The following ADGRL4 variants were observed in gnomAD, a reference collection of about 807,000 sequenced individuals.
The protein encoded by ADGRL4 is adhesion G protein-coupled receptor L4.
A neutral mutation model predicts 74.8 loss-of-function variants in ADGRL4; 90 were observed. The observed-to-expected ratio is 1.20, with a 90% CI of 1.02 to 1.43. ADGRL4 has a LOEUF of 1.43. ADGRL4 is among the 40% of genes most tolerant of loss of function. The pLI is 0.00. For missense variants in ADGRL4, 881 were observed against 814.3 expected (o/e 1.08, Z -1.00); for synonymous variants, 311 against 279.2 (o/e 1.11, Z -1.14).
At chr1:78,940,192 G>A (rs1239311345) in intron 3 of ADGRL4, among the ~76,000 whole-genome samples, 1 of 152,094 alleles carries the variant, frequency 6.6e-6, no homozygotes, top group Non-Finnish European at 1.5e-5. Context: ...CAACAACTCA[G>A]TGTAATCTGG....
At chr1:78,976,943 G>A (rs192365886) in intron 2 of ADGRL4, among the ~76,000 whole-genome samples, 20 of 151,680 alleles carry the variant, frequency 1.3e-4, no homozygotes, top group African/African-American at 4.6e-4. Flanking sequence ...CATCATTAAC[G>A]CTGGTACCAA....
intron 2 of ADGRL4, among the ~76,000 whole-genome samples, chr1:78,958,872 A>G (rs1208423304): frequency 6.6e-6 from 1 of 152,166 alleles, no homozygotes; most frequent in Non-Finnish European, 1.5e-5. Flanking sequence ...GGAAAATTTC[A>G]TTGTCTTGTT....
At chr1:78,931,613 C>T (rs1015789534) in intron 7 of ADGRL4, among the ~76,000 whole-genome samples, 1 of 151,218 alleles carries the variant, frequency 6.6e-6, no homozygotes, top group Non-Finnish European at 1.5e-5. Context: ...GCTAAATGCC[C>T]TAATTTAAAG....
chr1:78,966,594 G>C (rs902559314), intron 2 of ADGRL4, among the ~76,000 whole-genome samples: 1 of 152,072 alleles, frequency 6.6e-6, no homozygotes, highest in Admixed American at 6.6e-5. Context: ...CCATTCCATG[G>C]TCTTTTCCTT....
intron 2 of ADGRL4, among the ~76,000 whole-genome samples, chr1:78,990,673 C>T (rs974379782): frequency 9.2e-5 from 14 of 151,836 alleles, no homozygotes; most frequent in Admixed American, 3.3e-4. Flanking sequence ...TTTAAAAGAC[C>T]ATTCTTCTCC....
chr1:78,940,823 CA>C (rs1198788463), intron 3 of ADGRL4, among the ~76,000 whole-genome samples: 2 of 152,034 alleles, frequency 1.3e-5, no homozygotes, highest in African/African-American at 4.8e-5. Context: ...ATTTCTCACT[CA>C]AAAATCCAAC....
chr1:78,976,744 G>T (rs1203847876), intron 2 of ADGRL4, among the ~76,000 whole-genome samples: 1 of 150,208 alleles, frequency 6.7e-6, no homozygotes, highest in Non-Finnish European at 1.5e-5. Flanking sequence ...GAAATAATGT[G>T]AACAGCACTA....
At chr1:78,973,758 A>G (rs1259726139) in intron 2 of ADGRL4, among the ~76,000 whole-genome samples, 3 of 151,412 alleles carry the variant, frequency 2.0e-5, no homozygotes, top group Non-Finnish European at 4.4e-5. Context: ...TAACTTATAA[A>G]AAGTGCTAAA....
intron 2 of ADGRL4, among the ~76,000 whole-genome samples, chr1:78,990,923 T>C (rs753274392): frequency 5.9e-5 from 9 of 151,988 alleles, no homozygotes; most frequent in Non-Finnish European, 1.0e-4. Context: ...ACAAAGGATA[T>C]ACAACTCTCT....
chr1:78,992,149 A>G (rs1650618759), intron 2 of ADGRL4, among the ~76,000 whole-genome samples: 2 of 152,028 alleles, frequency 1.3e-5, no homozygotes, highest in South Asian at 4.1e-4. Flanking sequence ...ATCTTCCTAG[A>G]GAAAGTCATT....
chr1:78,961,958 G>A (rs1398391465), intron 2 of ADGRL4, among the ~76,000 whole-genome samples: 1 of 149,836 alleles, frequency 6.7e-6, no homozygotes, highest in Admixed American at 6.7e-5. Context: ...TCAGCTCACT[G>A]CAACCCCTGC....
At chr1:78,988,722 G>C (rs572296509) in intron 2 of ADGRL4, among the ~76,000 whole-genome samples, 2 of 151,764 alleles carry the variant, frequency 1.3e-5, no homozygotes, top group Non-Finnish European at 2.9e-5. Context: ...CACAAGGTGA[G>C]TCTACAGATC....
chr1:78,957,618 G>T (rs2100705003), intron 2 of ADGRL4, among the ~76,000 whole-genome samples: 1 of 152,028 alleles, frequency 6.6e-6, no homozygotes, highest in African/African-American at 2.4e-5. Context: ...AGTTGCAGAA[G>T]AATATTTGAA....
At chr1:78,957,415 A>T (rs1649858349) in intron 2 of ADGRL4, among the ~76,000 whole-genome samples, 1 of 152,190 alleles carries the variant, frequency 6.6e-6, no homozygotes, top group African/African-American at 2.4e-5. Context: ...AAGCTCTTGA[A>T]GGAAATTAAA....
intron 8 of ADGRL4, among the ~76,000 whole-genome samples, chr1:78,923,584 C>T (rs1649045752): frequency 6.6e-6 from 1 of 151,706 alleles, no homozygotes; most frequent in South Asian, 2.1e-4. Flanking sequence ...CCAAGATGAA[C>T]AATCCAAAGA....
chr1:79,006,701 A>AG lies in ADGRL4; in HGVS notation c.-48dup. 1.4e-6 allele frequency: 2 copies of AG among 1,438,666 alleles called. No individual in the cohort carries two copies. The highest frequency in any genetic ancestry group is 1.8e-6 in the Non-Finnish European group (2 of 1,097,538). The allele number at this position is 1,438,666 out of a possible 1,614,324, so 89.1% of individuals were successfully genotyped here. On this transcript the variant is annotated 5_prime_UTR_variant, in exon 1 of 15. Transcript: ENST00000370742. The stretch of plus-strand genomic sequence containing the variant: ...CGGTGGCGGAGAGCGCGGCGGAGTG[A>AG]GTGCGGCTGTGGACCCGGGACCGGG...
In ADGRL4 at chr1:78,906,460, A is replaced by G. The variant is rs535431552; in HGVS notation, c.1749+11174T>C. ...TGAAGGATAAAGTGACCCGCACGGGAGTAAGTGAGCTACATGGGTTTATCT... is the reference window on the plus strand; with the variant it reads ...TGAAGGATAAAGTGACCCGCACGGGGGTAAGTGAGCTACATGGGTTTATCT... On this transcript the variant is annotated intron_variant, in intron 12 of 14. Coordinates refer to ENST00000370742, the MANE Select transcript of ADGRL4 (RefSeq NM_022159.4). Among the ~76,000 whole-genome samples the G allele has an allele frequency of 1.7e-3, 262 of 152,090 alleles. 1 individual carries two copies. Among genetic ancestry groups the G allele is most frequent in the Admixed American group, 2.8e-3 (42 of 15,218 alleles).
chr1:78,919,890 G>A (rs530092035), intron 10 of ADGRL4, among the ~76,000 whole-genome samples: 16 of 151,816 alleles, frequency 1.1e-4, no homozygotes, highest in African/African-American at 3.1e-4. Flanking sequence ...TTTGTTTAAC[G>A]TCCATTTAAA....
chr1:78,909,507 A>G (rs1342526773), intron 12 of ADGRL4, among the ~76,000 whole-genome samples: 1 of 151,908 alleles, frequency 6.6e-6, no homozygotes, highest in Non-Finnish European at 1.5e-5. Context: ...TTATAATAGC[A>G]CAGACAGGAC....
Sources: allele counts gnomAD v4.1 joint callset (sites outside exome capture counted in the v4.1 genomes callset), GRCh38; gene constraint gnomAD v4.1.1; transcripts MANE v1.5; gene names NCBI Gene and HGNC (gene_info 2026-07-23, HGNC 2026-07-21).